ADAMTS19: variants seen among roughly 807,000 people sequenced by gnomAD.
ADAMTS19 encodes ADAM metallopeptidase with thrombospondin type 1 motif 19.
In ADAMTS19, 93 loss-of-function variants were observed where a neutral mutation model predicts 153.3. That is an observed-to-expected ratio of 0.61 (90% confidence interval 0.51 to 0.72). The LOEUF (loss-of-function observed/expected upper bound fraction) is 0.72. Among genes scored for constraint, ADAMTS19 ranks in the 30% least tolerant of loss-of-function variants. ADAMTS19 has a pLI of 0.00. For synonymous variants in ADAMTS19, 600 were observed against 556.6 expected (o/e 1.08, Z -1.10); for missense variants, 1,482 against 1,552.1 (o/e 0.95, Z 0.76).
chr5:129,541,939 C>T (rs994672287), intron 6 of ADAMTS19, among the ~76,000 whole-genome samples: 2 of 152,004 alleles, frequency 1.3e-5, no homozygotes, highest in Admixed American at 6.6e-5. Flanking sequence ...GATATTTTGT[C>T]ATTTATTTAT....
In ADAMTS19 at chr5:129,526,319, A is replaced by C; in HGVS notation, c.949A>C (p.Ser317Arg). The C allele has an allele frequency of 6.3e-7, 1 of 1,593,904 alleles. No homozygotes were observed. Among genetic ancestry groups the C allele is most frequent in the Non-Finnish European group, 8.5e-7 (1 of 1,172,594 alleles). ...ACCTAGGTCTAGAAAAATAGCAGAA[A>C]GTGGAAGAGGGAAACGATATTCATA... ...GRPRSRKIAE[S>R]GRGKRYSYKL... Residue 317 changes from serine to arginine, a missense_variant, in exon 4 of 23, where the codon AGT becomes CGT. Physicochemically the swap from Ser to Arg is moderately radical, Grantham distance 110. Transcript: ENST00000274487.
In ADAMTS19 at chr5:129,593,944, C is replaced by A. The variant is rs572015584; in HGVS notation, c.1373-2615C>A. Among the ~76,000 whole-genome samples the A allele has an allele frequency of 7.2e-5, 11 of 152,254 alleles. No homozygotes were observed. In the South Asian group the frequency reaches 1.7e-3, roughly 23 times the overall value. ...AATATTACTAATAAACTTCCATTCA[C>A]CTTTGACCTATATATCAAATAATGT... On this transcript the variant is annotated intron_variant, in intron 7 of 22. Transcript: ENST00000274487.
At chr5:129,622,601 G>A (rs919257086) in intron 10 of ADAMTS19, among the ~76,000 whole-genome samples, 4 of 152,108 alleles carry the variant, frequency 2.6e-5, no homozygotes, top group African/African-American at 9.7e-5. Context: ...TGATATCAGG[G>A]AAGTATTTTT....
intron 3 of ADAMTS19, among the ~76,000 whole-genome samples, chr5:129,518,841 A>G (rs1751696209): frequency 6.6e-6 from 1 of 151,404 alleles, no homozygotes; most frequent in Admixed American, 6.6e-5. Flanking sequence ...TTTTGAGGCA[A>G]TTTTCTAGAT....
intron 6 of ADAMTS19, 100 bp downstream of exon 6, chr5:129,528,777 G>A (rs762798899): frequency 1.1e-4 from 112 of 1,005,852 alleles, no homozygotes; most frequent in Middle Eastern, 7.0e-4. Context: ...TTCAGATTTC[G>A]TGTTTCAAGA....
intron 2 of ADAMTS19, among the ~76,000 whole-genome samples, chr5:129,462,225 A>G (rs1749699880): frequency 6.6e-6 from 1 of 152,196 alleles, no homozygotes; most frequent in South Asian, 2.1e-4. Flanking sequence ...AGTTGAAAGA[A>G]CAGTTCTATA....
intron 15 of ADAMTS19, among the ~76,000 whole-genome samples, chr5:129,661,466 T>A (rs1248901077): frequency 6.6e-6 from 1 of 152,202 alleles, no homozygotes; most frequent in East Asian, 1.9e-4. Flanking sequence ...GTTATGTACT[T>A]CCTAGAATTT....
intron 6 of ADAMTS19, among the ~76,000 whole-genome samples, chr5:129,529,396 T>A (rs1270381491): frequency 1.3e-5 from 2 of 152,168 alleles, no homozygotes; most frequent in Admixed American, 6.6e-5. Flanking sequence ...TCATTGTAGT[T>A]TCTTGTAATT....
chr5:129,460,348 GGAGGCGTGCGCCGGGCGAGAAGCCGC>G lies in ADAMTS19; in HGVS notation c.-42_-17del, dbSNP rs1023063150. The stretch of plus-strand genomic sequence containing the variant: ...GCTGCGCCCCGGAGTGGATCGCGCT[GGAGGCGTGCGCCGGGCGAGAAGCCGC>G]GGCCGCGGGAGCGCAGTATGGGGAA... On this transcript the variant is annotated 5_prime_UTR_variant, in exon 1 of 23. Transcript: ENST00000274487. 1.9e-5 allele frequency: 30 copies of G among 1,570,694 alleles called. No individual in the cohort carries two copies. Among genetic ancestry groups the G allele is most frequent in the Non-Finnish European group, 2.5e-5 (29 of 1,146,594 alleles).
At position 129,624,609 on chromosome 5, in the gene ADAMTS19, A is replaced by G. The variant is rs926001360; in HGVS notation, c.1770+2261A>G. On this transcript the variant is annotated intron_variant, in intron 10 of 22. Transcript: ENST00000274487. ...GGATCAGTTCATCCAAAATGTTCAT[A>G]TTTTATAAAGCATTCCTACTGTAAA... 2.6e-5 allele frequency among the ~76,000 whole-genome samples: 4 copies of G among 152,164 alleles called. 1 individual carries two copies. Among genetic ancestry groups the G allele is most frequent in the Non-Finnish European group, 5.9e-5 (4 of 68,020 alleles).
At chr5:129,673,085 A>G (rs1428693622) in intron 16 of ADAMTS19, among the ~76,000 whole-genome samples, 1 of 152,024 alleles carries the variant, frequency 6.6e-6, no homozygotes, top group Non-Finnish European at 1.5e-5. Flanking sequence ...TTTTTCTTAG[A>G]TAAGCTAAAG....
chr5:129,672,514 C>T (rs1233819078), intron 16 of ADAMTS19, among the ~76,000 whole-genome samples: 1 of 152,036 alleles, frequency 6.6e-6, no homozygotes, highest in East Asian at 1.9e-4. Flanking sequence ...AACCTAAGGC[C>T]TTTACAAAGT....
chr5:129,665,600 A>AG lies in ADAMTS19; in HGVS notation c.2506+22dup, dbSNP rs1285573069. ...TTTAGGTAACCTGTGTTACAGACAC[A>AG]GAGAAGATCCAAGTACGAGCCCAAC... On this transcript the variant is annotated intron_variant, in intron 16 of 22. Coordinates refer to ENST00000274487, the MANE Select transcript of ADAMTS19 (RefSeq NM_133638.6). 7 of 1,584,248 alleles carry AG rather than the reference A, an allele frequency of 4.4e-6. No homozygotes were observed. The Admixed American group carries it at 1.0e-4, about 23-fold the overall frequency.
chr5:129,504,283 A>G (rs1351550046), intron 2 of ADAMTS19, among the ~76,000 whole-genome samples: 1 of 152,106 alleles, frequency 6.6e-6, no homozygotes, highest in Non-Finnish European at 1.5e-5. Flanking sequence ...CAGATCTTAA[A>G]TTTATAATGA....
chr5:129,597,469 T>G (rs539866920), intron 8 of ADAMTS19, among the ~76,000 whole-genome samples: 24 of 152,322 alleles, frequency 1.6e-4, no homozygotes, highest in African/African-American at 5.8e-4. Flanking sequence ...GCCATTCAAC[T>G]CAGGTCAAAC....
rs148817220 is a variant in ADAMTS19, at chr5:129,529,260, T to G, written c.1328+583T>G. 7.2e-4 allele frequency among the ~76,000 whole-genome samples: 109 copies of G among 152,288 alleles called. 2 individuals are homozygous for G. The highest frequency in any genetic ancestry group is 2.5e-3 in the African/African-American group (104 of 41,590). On this transcript the variant is annotated intron_variant, in intron 6 of 22. Coordinates refer to ENST00000274487, the MANE Select transcript of ADAMTS19 (RefSeq NM_133638.6). ...AATAATTATACATAATTTGTCTTGC[T>G]TAAAGCTGGTAAAAATAAGTAATTC...
At chr5:129,556,086 A>T (rs969547755) in intron 7 of ADAMTS19, among the ~76,000 whole-genome samples, 1 of 152,160 alleles carries the variant, frequency 6.6e-6, no homozygotes, top group Non-Finnish European at 1.5e-5. Context: ...TACATGGGGG[A>T]TAAAAAGTAA....
At chr5:129,500,804 T>C (rs1751076381) in intron 2 of ADAMTS19, among the ~76,000 whole-genome samples, 1 of 152,112 alleles carries the variant, frequency 6.6e-6, no homozygotes, top group Non-Finnish European at 1.5e-5. Context: ...TTGATACTAA[T>C]AAGCATTTAT....
intron 10 of ADAMTS19, among the ~76,000 whole-genome samples, chr5:129,629,617 T>C (rs965362206): frequency 2.6e-5 from 4 of 152,100 alleles, no homozygotes; most frequent in Non-Finnish European, 4.4e-5. Context: ...ACAACTTACA[T>C]CTGCAAAGTG....
Sources: gnomAD v4.1 joint callset for allele counts (sites outside exome capture counted in the v4.1 genomes callset) on GRCh38, gnomAD v4.1.1 for gene constraint, MANE v1.5 for transcripts, NCBI Gene and HGNC (gene_info 2026-07-23, HGNC 2026-07-21) for gene names.